CLEC4A: variants seen among roughly 807,000 people sequenced by gnomAD.
CLEC4A encodes C-type (calcium dependent, carbohydrate-recognition domain) lectin, superfamily member 6.
CLEC4A carries 27 observed loss-of-function variants against 32.7 expected under a neutral mutation model. The observed-to-expected ratio is 0.83, with a 90% confidence interval of 0.61 to 1.14. CLEC4A has a LOEUF of 1.14. Among genes scored for constraint, CLEC4A ranks in the 50% most tolerant of loss-of-function variants. The probability of loss-of-function intolerance (pLI) is 0.00; values close to 1 mark genes in which losing one functional copy is unlikely to be tolerated. For synonymous variants in CLEC4A, 89 were observed against 93.7 expected, an observed-to-expected ratio of 0.95 and a Z score of 0.29; for missense variants, 253 against 274.6, an observed-to-expected ratio of 0.92 and a Z score of 0.55.
the CLEC4A span, among the ~76,000 whole-genome samples, chr12:8,106,313 A>T: frequency 6.6e-6 from 1 of 152,206 alleles, no homozygotes; most frequent in Non-Finnish European, 1.5e-5. Context: ...GTTTGAAGTC[A>T]GGCGACACAA....
the CLEC4A span, among the ~76,000 whole-genome samples, chr12:8,110,878 T>C: frequency 7.1e-6 from 1 of 140,194 alleles, no homozygotes; most frequent in African/African-American, 2.8e-5. Flanking sequence ...TTCTAGACAC[T>C]TTTTTTTTTT....
At chr12:8,134,979 G>GTTTTTTTTTTTTTTTTTTTTTTTTTTTTT (rs1591611840) in intron 3 of CLEC4A, 4 of 148,578 alleles carry the variant, frequency 2.7e-5, no homozygotes, top group Admixed American at 2.7e-4. Context: ...AAGCGTTTTT[G>GTTTTTTTTTTTTTTTTTTTTTTTTTTTTT]TTTTTTGTTT....
rs747877280 is a variant in CLEC4A, at chr12:8,126,547, G to T, written c.199+870G>T. 4.5e-4 allele frequency among the ~76,000 whole-genome samples: 68 copies of T among 152,096 alleles called. 1 individual carries two copies. Among genetic ancestry groups the T allele is most frequent in the Middle Eastern group, 6.8e-3 (2 of 294 alleles). On this transcript the variant is annotated intron_variant, in intron 2 of 5. Coordinates refer to ENST00000229332, the MANE Select transcript of CLEC4A (RefSeq NM_016184.4). ...AAATTTTTAAAAGGCATAAAAAGCA[G>T]TATACATTTAGGTAGATTCTTTATT...
At chr12:8,138,065 G>A (rs1300486974) in intron 5 of CLEC4A, 75 bp from the exon 6 acceptor site, 14 of 1,481,842 alleles carry the variant, frequency 9.4e-6, no homozygotes, top group African/African-American at 5.7e-5. Flanking sequence ...TTCATCCCTC[G>A]CTCCTCACCC....
the CLEC4A span, among the ~76,000 whole-genome samples, chr12:8,106,296 T>C: frequency 6.6e-6 from 1 of 152,224 alleles, no homozygotes; most frequent in Non-Finnish European, 1.5e-5. Flanking sequence ...TGTAGCCTTG[T>C]AGTATAGTTT....
rs757802094 is a variant in CLEC4A, at chr12:8,135,737, G to A, written c.450+1G>A. 6.2e-7 allele frequency: 1 copy of A among 1,613,644 alleles called. No homozygotes were observed. Among genetic ancestry groups the A allele is most frequent in the South Asian group, 1.1e-5 (1 of 91,070 alleles). The stretch of plus-strand genomic sequence containing the variant: ...GGTGATAAACACTCAAGAAGAGCAG[G>A]TACTTTCTAATAGATAATGGGGCTG... On this transcript the variant is annotated splice_donor_variant, in intron 4 of 5. Coordinates refer to ENST00000229332, the MANE Select transcript of CLEC4A (RefSeq NM_016184.4). LOFTEE classifies it high-confidence loss of function.
chr12:8,120,114 G>T (rs1020507521), upstream of CLEC4A, among the ~76,000 whole-genome samples: 2 of 152,176 alleles, frequency 1.3e-5, no homozygotes, highest in Admixed American at 1.3e-4. Context: ...AATACACAGA[G>T]TATTGCCAAT....
chr12:8,136,870 G>T lies in CLEC4A; in HGVS notation c.533G>T (p.Trp178Leu). ...CCAGAAGGTCAGCGACATTGGCAAT[G>T]GGTTGATCAGACACCATACAATGAA... ...SDPEGQRHWQ[W>L]VDQTPYNESS... Residue 178 changes from tryptophan (W) to leucine (L), a missense_variant, in exon 5 of 6, where the codon TGG (tryptophan) becomes TTG (leucine). Coordinates refer to ENST00000229332, the MANE Select transcript of CLEC4A (RefSeq NM_016184.4). 3 of 1,613,200 alleles carry T rather than the reference G, an allele frequency of 1.9e-6. No homozygotes were observed. The highest frequency in any genetic ancestry group is 2.5e-6 in the Non-Finnish European group (3 of 1,179,190).
At chr12:8,122,777 A>G (rs1046956802), upstream of CLEC4A, among the ~76,000 whole-genome samples, 3 of 152,088 alleles carry the variant, frequency 2.0e-5, no homozygotes, top group African/African-American at 7.2e-5. Context: ...TGTTCAATAT[A>G]TTTAGATATA....
the CLEC4A span, among the ~76,000 whole-genome samples, chr12:8,105,708 G>A: frequency 6.6e-6 from 1 of 152,198 alleles, no homozygotes; most frequent in Middle Eastern, 3.4e-3. Flanking sequence ...AAAAGTGCCT[G>A]TTCTTGTCCT....
chr12:8,134,986 G>GTTTTTGT lies in CLEC4A; in HGVS notation c.299-594_299-593insGTTTTTT, dbSNP rs1555080239. ...TCTTGTTGAAGCGTTTTTGTTTTTTGTTTTTTTTTAATCATGGCTGCTTTT... is the reference window on the plus strand; with the variant it reads ...TCTTGTTGAAGCGTTTTTGTTTTTTGTTTTTGTTTTTTTTTTAATCATGGCTGCTTTT... On this transcript the variant is annotated intron_variant, in intron 3 of 5. Coordinates refer to ENST00000229332, the MANE Select transcript of CLEC4A (RefSeq NM_016184.4). 18 of 138,896 alleles carry GTTTTTGT rather than the reference G, an allele frequency of 1.3e-4. 1 individual carries two copies. Among genetic ancestry groups the GTTTTTGT allele is most frequent in the African/African-American group, 2.5e-4 (4 of 16,260 alleles). The allele number at this position is 138,896 out of a possible 1,614,324, so 8.6% of individuals were successfully genotyped here. A position where few individuals can be genotyped will look rare whatever the true frequency, so the allele number is the denominator to read the frequency against.
At chr12:8,124,032 A>C in intron 1 of CLEC4A, 72 bp downstream of exon 1, 1 of 1,017,406 alleles carries the variant, frequency 9.8e-7, no homozygotes, top group Non-Finnish European at 1.6e-6. Flanking sequence ...TGAATAAGGC[A>C]TAGGTGTTTT....
chr12:8,129,134 A>G (rs1251045626), intron 2 of CLEC4A, 130 bp from the exon 3 acceptor site: 2 of 610,374 alleles, frequency 3.3e-6, no homozygotes, highest in African/African-American at 3.7e-5. Flanking sequence ...AGTATGGGAA[A>G]TCTTTTCCCT....
intron 3 of CLEC4A, chr12:8,134,809 G>A: frequency 6.4e-7 from 1 of 1,551,470 alleles, no homozygotes; most frequent in Non-Finnish European, 8.7e-7. Context: ...CCACCGCCTG[G>A]AGGGGGTGAG....
At chr12:8,104,020 T>G in the CLEC4A span, among the ~76,000 whole-genome samples, 1 of 152,238 alleles carries the variant, frequency 6.6e-6, no homozygotes, top group African/African-American at 2.4e-5. Context: ...ATGAAGTACT[T>G]GTGGAATTAA....
In CLEC4A at chr12:8,133,731, T is replaced by C; in HGVS notation, c.299-1854T>C. The C allele has an allele frequency of 5.0e-6, 8 of 1,585,424 alleles. No homozygotes were observed. In the South Asian group the frequency reaches 8.0e-5, roughly 16 times the overall value. ...CTCCAGGTGCTCTTTCCCTAGCTCC[T>C]CCCCTCCCCCTGTCCCCCATTCCTA... On this transcript the variant is annotated intron_variant, in intron 3 of 5. Transcript: ENST00000229332.
At chr12:8,119,701 G>A (rs1947815420), upstream of CLEC4A, among the ~76,000 whole-genome samples, 1 of 152,172 alleles carries the variant, frequency 6.6e-6, no homozygotes, top group African/African-American at 2.4e-5. Context: ...CGAATATCTT[G>A]TTTTCATGAA....
Position 8,129,355 on chromosome 12 carries a change from C to A in CLEC4A, c.291C>A (p.Pro97=), listed in dbSNP as rs112355715. The change falls in exon 3 of 6, where the codon CCC becomes CCA. Residue 97 remains proline, a synonymous_variant. Transcript: ENST00000229332. ...TTLECVKKNM[P]VEETAWSCCP... The stretch of plus-strand genomic sequence containing the variant: ...TGGAGTGTGTGAAAAAAAATATGCC[C>A]GTGGAAGGTAAAAATTAATGTGCCT... 21 of 1,599,018 alleles carry A rather than the reference C, an allele frequency of 1.3e-5. 1 individual carries two copies. In the Middle Eastern group the frequency reaches 5.0e-4, roughly 38 times the overall value.
At chr12:8,125,260 A>G (rs906149556) in intron 1 of CLEC4A, among the ~76,000 whole-genome samples, 3 of 152,188 alleles carry the variant, frequency 2.0e-5, no homozygotes, top group African/African-American at 7.2e-5. Context: ...AAATTTGCAT[A>G]TGTGTATATA....
Sources: allele counts gnomAD v4.1 joint callset (sites outside exome capture counted in the v4.1 genomes callset), GRCh38; gene constraint gnomAD v4.1.1; transcripts MANE v1.5; gene names NCBI Gene and HGNC (gene_info 2026-07-23, HGNC 2026-07-21).